The following GRHL2 variants were observed in gnomAD, a reference collection of about 807,000 sequenced individuals.
GRHL2 encodes the protein grainyhead-like protein 2 homolog.
A neutral mutation model predicts 83.8 loss-of-function variants in GRHL2; 21 were observed. That is an observed-to-expected ratio of 0.25 (90% CI 0.18 to 0.36). The LOEUF (loss-of-function observed/expected upper bound fraction) is 0.36, where lower values mean the gene tolerates loss of function less well. Ranked by LOEUF, GRHL2 falls within the 10% of genes least tolerant of loss-of-function variation. The pLI, the probability that GRHL2 is intolerant of heterozygous loss-of-function variation, is 1.00. For missense variants in GRHL2, 623 were observed against 781.8 expected (o/e 0.80, Z 2.42); for synonymous variants, 280 against 278.9 (o/e 1.00, Z -0.04).
At chr8:101,662,795 C>G (rs1354728629) in intron 14 of GRHL2, among the ~76,000 whole-genome samples, 1 of 151,970 alleles carries the variant, frequency 6.6e-6, no homozygotes, top group Non-Finnish European at 1.5e-5. Context: ...TTGTTTCTGT[C>G]CATTCTTCAG....
chr8:101,593,975 A>C (rs1311056430), intron 7 of GRHL2, among the ~76,000 whole-genome samples: 1 of 146,668 alleles, frequency 6.8e-6, no homozygotes, highest in Non-Finnish European at 1.5e-5. Flanking sequence ...AGGCTGAGGC[A>C]GAGGAATCGC....
chr8:101,518,266 C>T (rs73701917), intron 1 of GRHL2, among the ~76,000 whole-genome samples: 2,551 of 152,160 alleles, frequency 0.017, 76 homozygotes, highest in African/African-American at 0.057. Context: ...AAAAATTAGC[C>T]GGGCGTGATG....
chr8:101,637,047 C>A, intron 12 of GRHL2, 119 bp downstream of exon 12: 1 of 905,560 alleles, frequency 1.1e-6, no homozygotes, highest in Non-Finnish European at 1.9e-6. Context: ...CCTCAGGACT[C>A]AGAGCTGAGA....
At position 101,617,425 on chromosome 8, in the gene GRHL2, T is replaced by A. The variant is rs993045492; in HGVS notation, c.1099-2114T>A. Among the ~76,000 whole-genome samples, 3 of 152,164 alleles carry A rather than the reference T, an allele frequency of 2.0e-5. No homozygotes were observed. The South Asian group carries it at 6.2e-4, about 32-fold the overall frequency. ...AGCACTACAAATGAGATGCCTGGAT[T>A]GCCAAAAGCCTACAGGCTTTGGGTT... On this transcript the variant is annotated intron_variant, in intron 8 of 15. Coordinates refer to ENST00000646743, the MANE Select transcript of GRHL2 (RefSeq NM_024915.4).
rs568655989 is a variant in GRHL2, at chr8:101,608,804, G to A, written c.1098+9653G>A. 1.1e-4 allele frequency among the ~76,000 whole-genome samples: 16 copies of A among 143,602 alleles called. No individual in the cohort carries two copies. The South Asian group carries it at 3.2e-3, about 28-fold the overall frequency. The allele number at this position is 143,602 out of a possible 152,430, so 94.2% of individuals were successfully genotyped here. On this transcript the variant is annotated intron_variant, in intron 8 of 15. Coordinates refer to ENST00000646743, the MANE Select transcript of GRHL2 (RefSeq NM_024915.4). ...CTACACCTCATTTCTAAGTACTTCA[G>A]CATGTAGAGAGGTCCTCTTTCTGTG...
chr8:101,523,861 T>C (rs1437846091), intron 1 of GRHL2, among the ~76,000 whole-genome samples: 1 of 152,142 alleles, frequency 6.6e-6, no homozygotes, highest in African/African-American at 2.4e-5. Context: ...CCATCCCACC[T>C]CCAAAAGTTA....
intron 3 of GRHL2, among the ~76,000 whole-genome samples, chr8:101,553,847 C>G (rs988742194): frequency 6.6e-6 from 1 of 151,984 alleles, no homozygotes; most frequent in African/African-American, 2.4e-5. Context: ...AGGATGGGCT[C>G]TATCTCCTGA....
chr8:101,576,067 C>T (rs984885779), intron 6 of GRHL2, among the ~76,000 whole-genome samples: 23 of 152,216 alleles, frequency 1.5e-4, no homozygotes, highest in African/African-American at 4.8e-4. Context: ...GTCTGTTATT[C>T]GTCAGGTGCC....
chr8:101,646,348 C>A (rs1045558496), intron 13 of GRHL2, among the ~76,000 whole-genome samples: 1 of 152,158 alleles, frequency 6.6e-6, no homozygotes, highest in Non-Finnish European at 1.5e-5. Context: ...GGAGGTTAAT[C>A]CAAAGACTGT....
At chr8:101,533,333 T>G in intron 1 of GRHL2, among the ~76,000 whole-genome samples, 1 of 152,252 alleles carries the variant, frequency 6.6e-6, no homozygotes, top group East Asian at 1.9e-4. Context: ...ACCTGAAGAA[T>G]GCAGCTCCTC....
intron 11 of GRHL2, among the ~76,000 whole-genome samples, chr8:101,635,240 G>T (rs1813263224): frequency 6.6e-6 from 1 of 152,134 alleles, no homozygotes; most frequent in African/African-American, 2.4e-5. Flanking sequence ...TTTTATTTAT[G>T]ATAAAGTCTC....
chr8:101,576,597 A>G (rs1286532004), intron 6 of GRHL2, among the ~76,000 whole-genome samples: 1 of 152,130 alleles, frequency 6.6e-6, no homozygotes, highest in Non-Finnish European at 1.5e-5. Flanking sequence ...AGTGTTTTGG[A>G]TGTGGAGTGA....
At chr8:101,672,548 A>T (rs577833780), downstream of GRHL2, among the ~76,000 whole-genome samples, 1 of 151,880 alleles carries the variant, frequency 6.6e-6, no homozygotes, top group African/African-American at 2.4e-5. Flanking sequence ...GAAATATGGG[A>T]CTATGTGAAA....
At chr8:101,632,171 G>C in intron 10 of GRHL2, 55 bp from the exon 11 acceptor site, 2 of 1,592,670 alleles carry the variant, frequency 1.3e-6, no homozygotes, top group Non-Finnish European at 1.7e-6. Flanking sequence ...TTACAGTTGA[G>C]AGTTCTTAGT....
chr8:101,678,508 G>T, the GRHL2 span, among the ~76,000 whole-genome samples: 33 of 152,300 alleles, frequency 2.2e-4, 1 homozygote, highest in African/African-American at 7.7e-4. Flanking sequence ...GCTGGGGAGG[G>T]GCGCCCGCCA....
At position 101,631,702 on chromosome 8, in the gene GRHL2, C is replaced by T. The variant is rs1334057011; in HGVS notation, c.1323C>T (p.Ala441=). 1.9e-6 allele frequency: 3 copies of T among 1,613,438 alleles called. No individual in the cohort carries two copies. Among genetic ancestry groups the T allele is most frequent in the Non-Finnish European group, 2.5e-6 (3 of 1,179,622 alleles). ...ACAGGAAGAAAGGGAAAGGCCAGGC[C>T]TCCCAAACTCAATGCAACAGCTGTG... ...KQNRKKGKGQ[A]SQTQCNSSSD... Residue 441 remains alanine (A), a synonymous_variant, in exon 10 of 16, where the codon GCC becomes GCT. Transcript: ENST00000646743.
At chr8:101,534,385 A>T (rs891629190) in intron 1 of GRHL2, among the ~76,000 whole-genome samples, 7 of 152,168 alleles carry the variant, frequency 4.6e-5, no homozygotes, top group African/African-American at 1.7e-4. Context: ...GTTCCTTGCC[A>T]AAATATGCCA....
In GRHL2 at chr8:101,669,254, C is replaced by CTTTTCTTTTTTCT; in HGVS notation, c.*2555_*2556insCTTTTTTCTTTTT. ...GGACATGTGAAATGAGCATTTTTTT[C>CTTTTCTTTTTTCT]TTTTTTTTTTTTAACAAAGTCTGAA... On this transcript the variant is annotated 3_prime_UTR_variant, in exon 16 of 16. Transcript: ENST00000646743. The CTTTTCTTTTTTCT allele has an allele frequency of 7.9e-6, 1 of 126,642 alleles. No individual in the cohort carries two copies. The highest frequency in any genetic ancestry group is 2.2e-4 in the East Asian group (1 of 4,464). The allele number at this position is 126,642 out of a possible 1,614,324, so 7.8% of individuals were successfully genotyped here. A position where few individuals can be genotyped will look rare whatever the true frequency, so the allele number is the denominator to read the frequency against.
chr8:101,564,613 C>A (rs1184989778), intron 4 of GRHL2, among the ~76,000 whole-genome samples: 1 of 151,634 alleles, frequency 6.6e-6, no homozygotes, highest in Admixed American at 6.6e-5. Context: ...CAAGACTAGC[C>A]TGGGCAACAT....
Sources: gnomAD v4.1 joint callset for allele counts (sites outside exome capture counted in the v4.1 genomes callset) on GRCh38, gnomAD v4.1.1 for gene constraint, MANE v1.5 for transcripts, NCBI Gene and HGNC (gene_info 2026-07-23, HGNC 2026-07-21) for gene names.